Variants in ABCC5 observed in about 807,000 individuals in gnomAD.
ABCC5 encodes the protein ATP-binding cassette sub-family C member 5.
Under a neutral mutation model 160.9 loss-of-function variants are expected in ABCC5, and 61 were observed. The ratio of observed to expected loss-of-function variants is 0.38; its 90% CI spans 0.31 to 0.47. ABCC5 has a LOEUF of 0.47. Among genes scored for constraint, ABCC5 ranks in the 20% least tolerant of loss-of-function variants. ABCC5 has a pLI of 0.99. For missense variants in ABCC5, 1,308 were observed against 1,813.3 expected (o/e 0.72, Z 5.06); for synonymous variants, 666 against 700.6 (o/e 0.95, Z 0.78).
Position 184,014,327 on chromosome 3 carries a change from C to T in ABCC5, c.66G>A (p.Glu22=). 2 of 1,614,044 alleles carry T rather than the reference C, an allele frequency of 1.2e-6. No homozygotes were observed. Among genetic ancestry groups the T allele is most frequent in the Non-Finnish European group, 1.7e-6 (2 of 1,179,936 alleles). ...TGTGCGTCCCAGAAGTGCTGGTTCTCTCCCTCACACTTCTATACCCAGGAC... is the reference window on the plus strand; with the variant it reads ...TGTGCGTCCCAGAAGTGCTGGTTCTTTCCCTCACACTTCTATACCCAGGAC... ...IPSPGYRSVR[E]RTSTSGTHRD... Residue 22 remains glutamate (E), a synonymous_variant, in exon 2 of 30, where the codon GAG becomes GAA. Transcript: ENST00000334444.
chr3:183,959,665 A>T, intron 17 of ABCC5, 68 bp downstream of exon 17: 2 of 1,160,372 alleles, frequency 1.7e-6, no homozygotes, highest in Non-Finnish European at 2.5e-6. Flanking sequence ...ATCATGAATT[A>T]CTTACTACAC....
intron 11 of ABCC5, among the ~76,000 whole-genome samples, chr3:183,970,122 C>T (rs1717599266): frequency 6.6e-6 from 1 of 152,188 alleles, no homozygotes; most frequent in Non-Finnish European, 1.5e-5. Flanking sequence ...TCCAAAGGCT[C>T]CTCTTCCCAC....
chr3:183,993,482 TC>T (rs1719965476), intron 2 of ABCC5, among the ~76,000 whole-genome samples: 1 of 37,356 alleles, frequency 2.7e-5, no homozygotes, highest in Non-Finnish European at 4.8e-5. Flanking sequence ...AGACCCTGTC[TC>T]AAAAAAAAAA....
chr3:183,957,840 GCGGA>G, intron 17 of ABCC5, among the ~76,000 whole-genome samples: 2 of 137,622 alleles, frequency 1.5e-5, no homozygotes, highest in African/African-American at 2.7e-5. Context: ...TCTGTTACAT[GCGGA>G]TCCGTGTGTA....
intron 2 of ABCC5, among the ~76,000 whole-genome samples, chr3:184,008,141 T>C (rs1721391929): frequency 6.6e-6 from 1 of 152,158 alleles, no homozygotes; most frequent in African/African-American, 2.4e-5. Flanking sequence ...TAAGCTTCTA[T>C]TGGTGGACAA....
At chr3:183,980,273 T>C (rs995323556) in intron 8 of ABCC5, among the ~76,000 whole-genome samples, 12 of 152,252 alleles carry the variant, frequency 7.9e-5, no homozygotes, top group Admixed American at 7.8e-4. Context: ...GTAAGTCACA[T>C]AAAAACACTG....
At chr3:183,931,387 C>T (rs1386083091) in intron 26 of ABCC5, among the ~76,000 whole-genome samples, 1 of 148,944 alleles carries the variant, frequency 6.7e-6, no homozygotes, top group Non-Finnish European at 1.5e-5. Flanking sequence ...AGTGCAGTGG[C>T]ATGATCTCAG....
chr3:183,928,112 C>CT lies in ABCC5; in HGVS notation c.3933+634dup, dbSNP rs10715407. The stretch of plus-strand genomic sequence containing the variant: ...TCTGCAGACTCAATATGTTATGTAT[C>CT]TTTTTTTTTTTTTTTTTGAGACAGA... On this transcript the variant is annotated intron_variant, in intron 27 of 29. Coordinates refer to ENST00000334444, the MANE Select transcript of ABCC5 (RefSeq NM_005688.4). Among the ~76,000 whole-genome samples, 1,063 of 138,492 alleles carry CT rather than the reference C, an allele frequency of 7.7e-3. 15 individuals carry two copies. The highest frequency in any genetic ancestry group is 0.023 in the African/African-American group (838 of 37,112). The allele number at this position is 138,492 out of a possible 152,430, so 90.9% of individuals were successfully genotyped here.
At chr3:183,945,310 A>C (rs1391361441) in intron 24 of ABCC5, among the ~76,000 whole-genome samples, 2 of 152,190 alleles carry the variant, frequency 1.3e-5, no homozygotes, top group Non-Finnish European at 2.9e-5. Context: ...GTTCCTGGGG[A>C]AAGGTGGGAA....
chr3:184,005,557 A>C (rs1721112564), intron 2 of ABCC5, among the ~76,000 whole-genome samples: 1 of 149,740 alleles, frequency 6.7e-6, no homozygotes, highest in Non-Finnish European at 1.5e-5. Flanking sequence ...AGCCTTCTGG[A>C]GTCCCTGTTT....
At chr3:183,981,640 T>C (rs1445569590) in intron 8 of ABCC5, 87 bp downstream of exon 8, 5 of 1,426,118 alleles carry the variant, frequency 3.5e-6, no homozygotes, top group South Asian at 2.5e-5. Flanking sequence ...GTACGTAATG[T>C]GCTCAGAAAG....
At chr3:183,943,010 T>C (rs2108783559) in intron 24 of ABCC5, 94 bp from the exon 25 acceptor site, 2 of 1,335,608 alleles carry the variant, frequency 1.5e-6, no homozygotes, top group Non-Finnish European at 2.1e-6. Flanking sequence ...ACAACCATAG[T>C]AGCCACACAG....
intron 20 of ABCC5, 59 bp from the exon 21 acceptor site, chr3:183,950,184 T>C (rs1715211751): frequency 6.5e-7 from 1 of 1,535,836 alleles, no homozygotes; most frequent in Non-Finnish European, 8.7e-7. Context: ...AACTGAAAAT[T>C]GAAAAAAACA....
chr3:184,007,798 G>C (rs1721356491), intron 2 of ABCC5, among the ~76,000 whole-genome samples: 2 of 152,126 alleles, frequency 1.3e-5, no homozygotes, highest in South Asian at 4.1e-4. Context: ...CTGCCCTCTA[G>C]CCTGGGCTAC....
Position 183,953,130 on chromosome 3 carries a change from A to G in ABCC5, c.2623T>C (p.Phe875Leu). ...CAGTAACTCAACCACCAGGTGCTGA[A>G]GGCGGTGCTGCCTACATTCAGCATG... ...LFMLNVGSTA[F>L]STWWLSYWIK... is the part of the protein sequence containing the mutation. The change falls in exon 18 of 30, where the codon TTC (phenylalanine) becomes CTC (leucine). Residue 875 changes from phenylalanine to leucine, a missense_variant. This residue lies in a region of ABCC5 where 1,142 missense variants were observed against 1,527.1 expected (regional missense o/e 0.75). Coordinates refer to ENST00000334444, the MANE Select transcript of ABCC5 (RefSeq NM_005688.4). 1 of 1,614,056 alleles carries G rather than the reference A, an allele frequency of 6.2e-7. No individual in the cohort carries two copies. The highest frequency in any genetic ancestry group is 1.1e-5 in the South Asian group (1 of 91,078).
chr3:183,950,010 G>A lies in ABCC5; in HGVS notation c.3060C>T (p.Pro1020=). The stretch of plus-strand genomic sequence containing the variant: ...GCAGGACTGAAAAGAGGATGACAAG[G>A]GGCCCCACTGCCACAAGGAACCACG... ...VFPWFLVAVG[P]LVILFSVLHI... Residue 1020 remains proline, a synonymous_variant, in exon 21 of 30, where the codon CCC becomes CCT. Transcript: ENST00000334444. 1.2e-6 allele frequency: 2 copies of A among 1,614,070 alleles called. No homozygotes were observed. Among genetic ancestry groups the A allele is most frequent in the Non-Finnish European group, 1.7e-6 (2 of 1,180,024 alleles).
At chr3:183,965,642 T>A in intron 12 of ABCC5, 141 bp from the exon 13 acceptor site, 1 of 1,122,186 alleles carries the variant, frequency 8.9e-7, no homozygotes, top group Non-Finnish European at 1.3e-6. Context: ...ATTCCACCTT[T>A]AATTCCAAAG....
Position 183,982,825 on chromosome 3 carries a change from T to G in ABCC5, c.774A>C (p.Ala258=). Residue 258 remains alanine (A), a synonymous_variant, in exon 6 of 30, where the codon GCA becomes GCC. Transcript: ENST00000334444. The surrounding 1 kb of genome is among the most constrained non-coding windows in gnomAD (Gnocchi z 5.2). The stretch of plus-strand genomic sequence containing the variant: ...TCTTTAACTTAAGGATCTTCTTAAA[T>G]GCCATGGTTAGGATGGCCCCCCGCA... The part of the protein sequence containing the change: ...VRLRGAILTM[A]FKKILKLKNI... 1 of 1,614,220 alleles carries G rather than the reference T, an allele frequency of 6.2e-7. No homozygotes were observed. The highest frequency in any genetic ancestry group is 8.5e-7 in the Non-Finnish European group (1 of 1,180,038).
In ABCC5 at chr3:183,971,773, T is replaced by C. The variant is rs759233581; in HGVS notation, c.1551A>G (p.Lys517=). 6.2e-7 allele frequency: 1 copy of C among 1,614,206 alleles called. No individual in the cohort carries two copies. Among genetic ancestry groups the C allele is most frequent in the Non-Finnish European group, 8.5e-7 (1 of 1,180,040 alleles). ...TGCCCCTGGAAGCCCTCTTGTCTTT[T>C]TTCATTTTGGGGGTCAGCTTGGGCG... The part of the protein sequence containing the change: ...QNSPKLTPKM[K]KDKRASRGKK... The change falls in exon 11 of 30, where the codon AAA becomes AAG. Residue 517 remains lysine, a synonymous_variant. Transcript: ENST00000334444.
Sources: allele counts gnomAD v4.1 joint callset (sites outside exome capture counted in the v4.1 genomes callset), GRCh38; gene constraint gnomAD v4.1.1; regional missense constraint gnomAD v4.1.1; non-coding constraint Gnocchi (gnomAD v3.1); transcripts MANE v1.5; gene names NCBI Gene and HGNC (gene_info 2026-07-23, HGNC 2026-07-21).